Variants in PRDM5 observed in about 807,000 individuals in gnomAD.
The protein encoded by PRDM5 is PR domain zinc finger protein 5.
PRDM5 carries 56 observed loss-of-function variants against 81.2 expected under a neutral mutation model. The ratio of observed to expected loss-of-function variants is 0.69; its 90% CI spans 0.56 to 0.86. The LOEUF (loss-of-function observed/expected upper bound fraction) is 0.86, where lower values mean the gene tolerates loss of function less well. Among genes scored for constraint, PRDM5 ranks in the 40% least tolerant of loss-of-function variants. PRDM5 has a pLI of 0.00. For missense variants in PRDM5, 697 were observed against 770.1 expected, an observed-to-expected ratio of 0.91 and a Z score of 1.12; for synonymous variants, 267 against 256.4, an observed-to-expected ratio of 1.04 and a Z score of -0.39.
intron 15 of PRDM5, among the ~76,000 whole-genome samples, chr4:120,698,353 T>C (rs1734825512): frequency 6.6e-6 from 1 of 152,186 alleles, no homozygotes; most frequent in South Asian, 2.1e-4. Flanking sequence ...TATAATGATC[T>C]ACTCTCCTTG....
chr4:120,860,920 T>C (rs1018949744), intron 2 of PRDM5, among the ~76,000 whole-genome samples: 4 of 152,224 alleles, frequency 2.6e-5, no homozygotes, highest in Admixed American at 6.5e-5. Context: ...TTAAATCCTG[T>C]TAAAGTTTTA....
In PRDM5 at chr4:120,850,179, A is replaced by G. The variant is rs72921599; in HGVS notation, c.300+3239T>C. 2.0e-3 allele frequency among the ~76,000 whole-genome samples: 309 copies of G among 152,266 alleles called. 1 individual carries two copies. Among genetic ancestry groups the G allele is most frequent in the African/African-American group, 7.1e-3 (296 of 41,570 alleles). ...ATTGACGTTTTCCACCGAGCAAGCC[A>G]CATAGTCACAAATGTTTCTCATTTA... On this transcript the variant is annotated intron_variant, in intron 3 of 15. Coordinates refer to ENST00000264808, the MANE Select transcript of PRDM5 (RefSeq NM_018699.4).
At chr4:120,727,208 C>T (rs1739546140) in intron 14 of PRDM5, among the ~76,000 whole-genome samples, 1 of 152,132 alleles carries the variant, frequency 6.6e-6, no homozygotes, top group Admixed American at 6.5e-5. Context: ...TACACTGGCA[C>T]AGTGAACATT....
intron 15 of PRDM5, among the ~76,000 whole-genome samples, chr4:120,697,957 ATAAAAT>A (rs1734758288): frequency 1.6e-5 from 1 of 64,142 alleles, no homozygotes; most frequent in South Asian, 3.5e-4. Flanking sequence ...TACAAATAAA[ATAAAAT>A]AAAAAAAAAG....
chr4:120,868,736 T>C (rs1761471262), intron 2 of PRDM5, among the ~76,000 whole-genome samples: 1 of 152,132 alleles, frequency 6.6e-6, no homozygotes, highest in African/African-American at 2.4e-5. Flanking sequence ...CAAAGGAGTA[T>C]TAGATGATTA....
At chr4:120,769,655 G>A (rs1273068469) in intron 13 of PRDM5, among the ~76,000 whole-genome samples, 1 of 152,112 alleles carries the variant, frequency 6.6e-6, no homozygotes, top group Non-Finnish European at 1.5e-5. Context: ...ACTTTCCAAT[G>A]CATTTCAAAG....
chr4:120,871,963 C>T (rs938441927), intron 2 of PRDM5, among the ~76,000 whole-genome samples: 9 of 151,408 alleles, frequency 5.9e-5, no homozygotes, highest in South Asian at 2.1e-4. Flanking sequence ...CCAGCCTGAC[C>T]GACATGGTGA....
At chr4:120,911,525 T>C (rs561839297) in intron 1 of PRDM5, among the ~76,000 whole-genome samples, 10 of 152,354 alleles carry the variant, frequency 6.6e-5, no homozygotes, top group African/African-American at 1.9e-4. Context: ...AGACAGTAAC[T>C]TTTAATAAAC....
intron 13 of PRDM5, 85 bp from the exon 14 acceptor site, chr4:120,754,723 C>G: frequency 8.6e-6 from 8 of 934,370 alleles, no homozygotes; most frequent in Non-Finnish European, 1.4e-5. Context: ...CACTCAGATC[C>G]TGGCCACCGC....
chr4:120,726,501 T>G (rs1484097210), intron 14 of PRDM5, among the ~76,000 whole-genome samples: 1 of 152,244 alleles, frequency 6.6e-6, no homozygotes, highest in African/African-American at 2.4e-5. Context: ...AATCTCCCAG[T>G]ACTTTGTTCT....
chr4:120,912,186 C>A (rs28397002), intron 1 of PRDM5, among the ~76,000 whole-genome samples: 220 of 152,278 alleles, frequency 1.4e-3, no homozygotes, highest in African/African-American at 5.2e-3. Flanking sequence ...TATCAGCTCA[C>A]AGATTACTTG....
chr4:120,904,196 A>AAAAAAAAAAAAAAC (rs1765522910), intron 2 of PRDM5, among the ~76,000 whole-genome samples: 1 of 145,072 alleles, frequency 6.9e-6, no homozygotes, highest in African/African-American at 2.6e-5. Flanking sequence ...TCTCAAAAAA[A>AAAAAAAAAAAAAAC]AAAAAAAAAC....
intron 2 of PRDM5, among the ~76,000 whole-genome samples, chr4:120,869,489 G>A (rs1761557539): frequency 6.6e-6 from 1 of 152,146 alleles, no homozygotes; most frequent in South Asian, 2.1e-4. Context: ...TTGCTAAACA[G>A]ACCAAAAGGT....
rs549104036 is a variant in PRDM5, at chr4:120,732,649, A to C, written c.1623+21904T>G. 1.6e-4 allele frequency among the ~76,000 whole-genome samples: 24 copies of C among 152,314 alleles called. 1 individual carries two copies. The South Asian group carries it at 4.8e-3, about 30-fold the overall frequency. On this transcript the variant is annotated intron_variant, in intron 14 of 15. Transcript: ENST00000264808. ...AATTTTATATAACATATTACTAAAA[A>C]TAAAAAACTATAAAAACTAAAAAAT...
chr4:120,754,975 A>T lies in PRDM5; in HGVS notation c.1538-337T>A, dbSNP rs2149155954. Among the ~76,000 whole-genome samples the T allele has an allele frequency of 1.3e-5, 2 of 152,356 alleles. 1 individual carries two copies. The highest frequency in any genetic ancestry group is 4.1e-4 in the South Asian group (2 of 4,828). ...GAATTTGTTAAAAATATTTTATGTT[A>T]ATCAATTTGCTCTATCACTGTACTA... On this transcript the variant is annotated intron_variant, in intron 13 of 15. Transcript: ENST00000264808.
At chr4:120,821,401 G>A in intron 3 of PRDM5, 56 bp from the exon 4 acceptor site, 2 of 1,505,924 alleles carry the variant, frequency 1.3e-6, no homozygotes, top group Admixed American at 1.7e-5. Flanking sequence ...TAGTAATTAA[G>A]AAATAATTTT....
In PRDM5 at chr4:120,869,111, T is replaced by C. The variant is rs570498273; in HGVS notation, c.178-15571A>G. Among the ~76,000 whole-genome samples, 6 of 152,248 alleles carry C rather than the reference T, an allele frequency of 3.9e-5. No homozygotes were observed. In the South Asian group the frequency reaches 6.2e-4, roughly 16 times the overall value. Reference sequence around the variant, plus strand: ...GACAGATTTTTTTTAAAAAACATGATTGTTAAATCAAAAGTTAAAATGTAA... The same window carrying C: ...GACAGATTTTTTTTAAAAAACATGACTGTTAAATCAAAAGTTAAAATGTAA... On this transcript the variant is annotated intron_variant, in intron 2 of 15. Transcript: ENST00000264808.
chr4:120,708,005 T>C (rs1260701679), intron 15 of PRDM5, among the ~76,000 whole-genome samples: 1 of 151,018 alleles, frequency 6.6e-6, no homozygotes, highest in Non-Finnish European at 1.5e-5. Context: ...AAAAAAAAAG[T>C]GTTGGCAAGA....
At chr4:120,854,821 G>C (rs1236037970) in intron 2 of PRDM5, among the ~76,000 whole-genome samples, 2 of 152,034 alleles carry the variant, frequency 1.3e-5, no homozygotes, top group Admixed American at 1.3e-4. Context: ...GTTCTAAAGG[G>C]AGGGAACAGG....
Sources: allele counts gnomAD v4.1 joint callset (sites outside exome capture counted in the v4.1 genomes callset), GRCh38; gene constraint gnomAD v4.1.1; transcripts MANE v1.5; gene names NCBI Gene and HGNC (gene_info 2026-07-23, HGNC 2026-07-21).